The following KLF12 variants were observed in gnomAD, a reference collection of about 807,000 sequenced individuals.
KLF12 encodes the protein Krueppel-like factor 12.
In KLF12, 9 loss-of-function variants were observed where a neutral mutation model predicts 37.8. The observed-to-expected ratio is 0.24, with a 90% confidence interval of 0.14 to 0.42. KLF12 has a LOEUF of 0.42. KLF12 is among the 10% of genes least tolerant of loss of function. The probability of loss-of-function intolerance (pLI) is 1.00; values close to 1 mark genes in which losing one functional copy is unlikely to be tolerated. For missense variants in KLF12, 411 were observed against 516.0 expected (o/e 0.80, Z 1.97); for synonymous variants, 208 against 202.1 (o/e 1.03, Z -0.25).
At chr13:74,299,897 A>C in the KLF12 span, among the ~76,000 whole-genome samples, 7 of 152,178 alleles carry the variant, frequency 4.6e-5, no homozygotes, top group Non-Finnish European at 1.0e-4. Context: ...AGGAGAAAGA[A>C]AGACAAAATA....
intron 3 of KLF12, among the ~76,000 whole-genome samples, chr13:73,911,960 T>C (rs1888589731): frequency 6.6e-6 from 1 of 152,260 alleles, no homozygotes; most frequent in Non-Finnish European, 1.5e-5. Context: ...GAATAGGATG[T>C]GTCCAGGGCT....
intron 3 of KLF12, among the ~76,000 whole-genome samples, chr13:73,875,731 C>T (rs1886674691): frequency 6.6e-6 from 1 of 152,036 alleles, no homozygotes; most frequent in Non-Finnish European, 1.5e-5. Flanking sequence ...TAACGTTTTA[C>T]ATTTGATGAA....
chr13:73,857,995 TATACATGAAAATA>T (rs1885693245), intron 3 of KLF12, among the ~76,000 whole-genome samples: 1 of 152,202 alleles, frequency 6.6e-6, no homozygotes, highest in South Asian at 2.1e-4. Context: ...CATTCTCATT[TATACATGAAAATA>T]ATACATGGAA....
intron 3 of KLF12, among the ~76,000 whole-genome samples, chr13:73,856,556 AC>A (rs1463106961): frequency 6.6e-6 from 1 of 151,572 alleles, no homozygotes; most frequent in Non-Finnish European, 1.5e-5. Flanking sequence ...CCAGCCACCC[AC>A]CTACTTGCAC....
chr13:73,903,095 T>G (rs1004937870), intron 3 of KLF12, among the ~76,000 whole-genome samples: 5 of 152,230 alleles, frequency 3.3e-5, no homozygotes, highest in Non-Finnish European at 5.9e-5. Flanking sequence ...AGACATTATA[T>G]TTTTTCATCT....
chr13:73,969,566 T>C (rs1435821566), intron 2 of KLF12, among the ~76,000 whole-genome samples: 2 of 152,176 alleles, frequency 1.3e-5, no homozygotes, highest in Admixed American at 6.5e-5. Context: ...CAAGTGTGGG[T>C]CTGCAAAGAT....
chr13:73,909,632 A>T (rs1487920438), intron 3 of KLF12, among the ~76,000 whole-genome samples: 2 of 152,176 alleles, frequency 1.3e-5, no homozygotes, highest in African/African-American at 4.8e-5. Context: ...TTCCAGCACA[A>T]AGTCAAGGGA....
At position 73,933,168 on chromosome 13, in the gene KLF12, T is replaced by C. The variant is rs114148270; in HGVS notation, c.123+10813A>G. Reference sequence around the variant, plus strand: ...GAAACTATTATGTTCTCTTAATGAATTGACATCCTTATTATGAGATGCTCA... The same window carrying C: ...GAAACTATTATGTTCTCTTAATGAACTGACATCCTTATTATGAGATGCTCA... On this transcript the variant is annotated intron_variant, in intron 3 of 7. Coordinates refer to ENST00000377669, the MANE Select transcript of KLF12 (RefSeq NM_007249.5). Among the ~76,000 whole-genome samples, 1,271 of 152,310 alleles carry C rather than the reference T, an allele frequency of 8.3e-3. 31 individuals carry two copies. The highest frequency in any genetic ancestry group is 0.028 in the African/African-American group (1,160 of 41,578).
At chr13:74,120,466 C>T (rs969977754) in intron 1 of KLF12, among the ~76,000 whole-genome samples, 12 of 151,024 alleles carry the variant, frequency 7.9e-5, no homozygotes, top group Admixed American at 2.0e-4. Context: ...GGTGGCAGAG[C>T]GAGACTGTCT....
intron 4 of KLF12, among the ~76,000 whole-genome samples, chr13:73,832,992 C>T: frequency 6.6e-6 from 1 of 152,108 alleles, no homozygotes; most frequent in East Asian, 1.9e-4. Context: ...ATTTTTATTA[C>T]AATTTATAGT....
intron 3 of KLF12, among the ~76,000 whole-genome samples, chr13:73,928,678 A>G (rs553289743): frequency 2.0e-5 from 3 of 152,194 alleles, no homozygotes; most frequent in Non-Finnish European, 4.4e-5. Flanking sequence ...ACCTGCAAAA[A>G]TCAATGATTT....
At position 74,013,853 on chromosome 13, in the gene KLF12, C is replaced by CT. The variant is rs752776960; in HGVS notation, c.-31-18801dup. Among the ~76,000 whole-genome samples, 446 of 143,840 alleles carry CT rather than the reference C, an allele frequency of 3.1e-3. 3 individuals carry two copies. The highest frequency in any genetic ancestry group is 4.5e-3 in the Admixed American group (65 of 14,340). The allele number at this position is 143,840 out of a possible 152,430, so 94.4% of individuals were successfully genotyped here. A position where few individuals can be genotyped will look rare whatever the true frequency, so the allele number is the denominator to read the frequency against. On this transcript the variant is annotated intron_variant, in intron 1 of 7. Transcript: ENST00000377669. ...CATTAGGCTACTTTCTTCTTCTTTT[C>CT]TTTTTTTTTTTTAAGAGATGAGGTC...
the KLF12 span, among the ~76,000 whole-genome samples, chr13:74,149,516 C>G: frequency 1.3e-5 from 2 of 152,182 alleles, no homozygotes; most frequent in Admixed American, 1.3e-4. Context: ...TATCCAGAAT[C>G]TGATATTCCA....
At chr13:73,721,301 G>C (rs1876225964) in intron 6 of KLF12, among the ~76,000 whole-genome samples, 1 of 152,096 alleles carries the variant, frequency 6.6e-6, no homozygotes, top group Admixed American at 6.5e-5. Flanking sequence ...TGAAGATACA[G>C]GTATTACAAA....
the KLF12 span, among the ~76,000 whole-genome samples, chr13:74,148,403 C>CTTTT: frequency 3.1e-3 from 231 of 73,500 alleles, 7 homozygotes; most frequent in Middle Eastern, 0.016. Context: ...CAAAACTGCT[C>CTTTT]TTTTTTTTTT....
At chr13:73,855,281 A>G (rs997382301) in intron 3 of KLF12, among the ~76,000 whole-genome samples, 4 of 152,126 alleles carry the variant, frequency 2.6e-5, no homozygotes. Context: ...TATAGTTGCC[A>G]TCTTGGTGTC....
intron 3 of KLF12, among the ~76,000 whole-genome samples, chr13:73,893,365 T>C (rs1007067398): frequency 4.9e-5 from 7 of 142,870 alleles, no homozygotes; most frequent in East Asian, 4.2e-4. Context: ...ATCAACAATA[T>C]TGACTTTTTT....
intron 2 of KLF12, among the ~76,000 whole-genome samples, chr13:73,978,932 A>C (rs145359971): frequency 9.2e-5 from 14 of 152,356 alleles, no homozygotes; most frequent in African/African-American, 2.9e-4. Context: ...ACACACTATT[A>C]TAATTCCAAC....
At chr13:74,005,456 G>A (rs1892386939) in intron 1 of KLF12, among the ~76,000 whole-genome samples, 1 of 152,114 alleles carries the variant, frequency 6.6e-6, no homozygotes, top group South Asian at 2.1e-4. Context: ...ATTTAAAAAG[G>A]CTGGCAGCGG....
Sources: gnomAD v4.1 joint callset for allele counts (sites outside exome capture counted in the v4.1 genomes callset) on GRCh38, gnomAD v4.1.1 for gene constraint, MANE v1.5 for transcripts, NCBI Gene and HGNC (gene_info 2026-07-23, HGNC 2026-07-21) for gene names.